Variants in FLT3 observed in about 807,000 individuals in gnomAD.
The protein encoded by FLT3 is receptor-type tyrosine-protein kinase FLT3.
Under a neutral mutation model 126.6 loss-of-function variants are expected in FLT3, and 46 were observed. That is an observed-to-expected ratio of 0.36 (90% CI 0.29 to 0.46). The LOEUF (loss-of-function observed/expected upper bound fraction) is 0.46, where lower values mean the gene tolerates loss of function less well. Ranked by LOEUF, FLT3 falls within the 20% of genes least tolerant of loss-of-function variation. The pLI, the probability that FLT3 is intolerant of heterozygous loss-of-function variation, is 1.00. For synonymous variants in FLT3, 404 were observed against 434.4 expected, an observed-to-expected ratio of 0.93 and a Z score of 0.87; for missense variants, 1,069 against 1,190.3, an observed-to-expected ratio of 0.90 and a Z score of 1.50.
At chr13:28,058,475 G>A (rs1349514856) in intron 3 of FLT3, among the ~76,000 whole-genome samples, 1 of 152,046 alleles carries the variant, frequency 6.6e-6, no homozygotes, top group Non-Finnish European at 1.5e-5. Context: ...TCATGCCATT[G>A]CACTCCAGCC....
At chr13:28,041,420 A>G (rs925558864) in intron 9 of FLT3, among the ~76,000 whole-genome samples, 1 of 152,220 alleles carries the variant, frequency 6.6e-6, no homozygotes, top group Admixed American at 6.5e-5. Flanking sequence ...CATGAGGCAG[A>G]CCAAAGCAAA....
Position 28,014,442 on chromosome 13 carries a change from T to A in FLT3, c.2859+10A>T. On this transcript the variant is annotated intron_variant, in intron 23 of 23. Coordinates refer to ENST00000241453, the MANE Select transcript of FLT3 (RefSeq NM_004119.3). Reference sequence around the variant, plus strand: ...TTGTAAAGCTTTATAAAGTCCTGGCTGCTACATACCGCTTCTTCTGCATCT... The same window carrying A: ...TTGTAAAGCTTTATAAAGTCCTGGCAGCTACATACCGCTTCTTCTGCATCT... The A allele has an allele frequency of 6.3e-7, 1 of 1,583,342 alleles. No individual in the cohort carries two copies. Among genetic ancestry groups the A allele is most frequent in the Non-Finnish European group, 8.7e-7 (1 of 1,152,040 alleles).
intron 23 of FLT3, among the ~76,000 whole-genome samples, chr13:28,009,023 T>C (rs1474601785): frequency 6.6e-6 from 1 of 152,106 alleles, no homozygotes; most frequent in Non-Finnish European, 1.5e-5. Context: ...TTTGCCCATA[T>C]TGGAGTGCAG....
chr13:28,073,356 A>C (rs765617190), intron 1 of FLT3: 41 of 239,504 alleles, frequency 1.7e-4, no homozygotes, highest in Non-Finnish European at 1.0e-4. Flanking sequence ...TCTCTGGAAA[A>C]AAAAAAAAAA....
At chr13:28,026,399 C>T (rs1872809073) in intron 17 of FLT3, among the ~76,000 whole-genome samples, 1 of 150,902 alleles carries the variant, frequency 6.6e-6, no homozygotes, top group Admixed American at 6.6e-5. Context: ...TCAACGAATG[C>T]CTCCATCAGA....
chr13:28,036,737 G>T (rs1873869172), intron 10 of FLT3, among the ~76,000 whole-genome samples: 1 of 152,170 alleles, frequency 6.6e-6, no homozygotes, highest in African/African-American at 2.4e-5. Flanking sequence ...TAGCACTTTG[G>T]GAGGCCAAGG....
At chr13:28,059,728 G>A (rs971578146) in intron 3 of FLT3, among the ~76,000 whole-genome samples, 2 of 152,042 alleles carry the variant, frequency 1.3e-5, no homozygotes, top group African/African-American at 2.4e-5. Flanking sequence ...TTGGGAGGCC[G>A]AGGTGGGCAG....
chr13:28,028,562 T>C (rs1284294529), intron 15 of FLT3, among the ~76,000 whole-genome samples: 2 of 152,018 alleles, frequency 1.3e-5, no homozygotes, highest in Non-Finnish European at 2.9e-5. Flanking sequence ...CCAGGCGTGG[T>C]GGCAGGCACC....
Position 28,091,372 on chromosome 13 carries a change from C to T in FLT3, c.43+9096G>A, listed in dbSNP as rs1429731481. Among the ~76,000 whole-genome samples the T allele has an allele frequency of 4.0e-5, 6 of 149,718 alleles. No homozygotes were observed. The East Asian group carries it at 7.9e-4, about 20-fold the overall frequency. ...GAGTAGCTGGGACTACAGGCGCCCG[C>T]CACCACGCCCGGCTAATTTTTTGTA... On this transcript the variant is annotated intron_variant, in intron 1 of 23. Transcript: ENST00000241453.
At chr13:28,083,445 T>A (rs1878459322) in intron 1 of FLT3, among the ~76,000 whole-genome samples, 1 of 152,230 alleles carries the variant, frequency 6.6e-6, no homozygotes, top group African/African-American at 2.4e-5. Context: ...AAGTTATTGA[T>A]CTATACCCTT....
At chr13:28,004,749 A>C (rs1446342585) in intron 23 of FLT3, among the ~76,000 whole-genome samples, 1 of 152,226 alleles carries the variant, frequency 6.6e-6, no homozygotes, top group Admixed American at 6.5e-5. Context: ...TCCTTTTATT[A>C]ATGGAGAAAT....
At chr13:28,089,737 A>AC (rs1322662526) in intron 1 of FLT3, among the ~76,000 whole-genome samples, 88 of 132,994 alleles carry the variant, frequency 6.6e-4, no homozygotes, top group African/African-American at 2.2e-3. Flanking sequence ...GCATGAGGGA[A>AC]CTTTTTTTTT....
chr13:28,026,553 C>G (rs1044795576), intron 17 of FLT3, among the ~76,000 whole-genome samples: 1 of 150,878 alleles, frequency 6.6e-6, no homozygotes, highest in Admixed American at 6.7e-5. Context: ...CCCTGCAGGA[C>G]CAAGCATCTC....
chr13:28,029,957 C>T (rs1873170209), intron 15 of FLT3, among the ~76,000 whole-genome samples: 1 of 152,210 alleles, frequency 6.6e-6, no homozygotes, highest in African/African-American at 2.4e-5. Flanking sequence ...TTGGTCAGGG[C>T]AGCCCGGGCA....
At position 28,076,114 on chromosome 13, in the gene FLT3, CA is replaced by C. The variant is rs946865140; in HGVS notation, c.44-5503del. On this transcript the variant is annotated intron_variant, in intron 1 of 23. Coordinates refer to ENST00000241453, the MANE Select transcript of FLT3 (RefSeq NM_004119.3). ...ACATGGCCCTTCATAGCAATTTTCTCATATACAATGCATTTTTAAAATATGA... is the reference window on the plus strand; with the variant it reads ...ACATGGCCCTTCATAGCAATTTTCTCTATACAATGCATTTTTAAAATATGA... Among the ~76,000 whole-genome samples, 5 of 152,220 alleles carry C rather than the reference CA, an allele frequency of 3.3e-5. No individual in the cohort carries two copies. In the Middle Eastern group the frequency reaches 0.01, roughly 311 times the overall value.
At chr13:28,099,063 G>A (rs1349376464) in intron 1 of FLT3, among the ~76,000 whole-genome samples, 1 of 152,172 alleles carries the variant, frequency 6.6e-6, no homozygotes, top group Non-Finnish European at 1.5e-5. Context: ...CTCTTAAGAT[G>A]TGTGCATATT....
chr13:28,073,380 C>A, intron 1 of FLT3: 1 of 418,094 alleles, frequency 2.4e-6, no homozygotes, highest in Non-Finnish European at 4.7e-6. Flanking sequence ...GCATTTTTTA[C>A]TGTCACTTGA....
At chr13:28,025,220 C>T in intron 17 of FLT3, 1 of 462,578 alleles carries the variant, frequency 2.2e-6, no homozygotes, top group South Asian at 2.4e-5. Flanking sequence ...AGATGGGTGG[C>T]ATTTTATAAA....
chr13:28,092,171 C>T (rs1879156809), intron 1 of FLT3, among the ~76,000 whole-genome samples: 1 of 152,172 alleles, frequency 6.6e-6, no homozygotes, highest in Non-Finnish European at 1.5e-5. Flanking sequence ...CCGCCAGGAA[C>T]CTTAAACTCA....
Sources: allele counts gnomAD v4.1 joint callset (sites outside exome capture counted in the v4.1 genomes callset), GRCh38; gene constraint gnomAD v4.1.1; transcripts MANE v1.5; gene names NCBI Gene and HGNC (gene_info 2026-07-23, HGNC 2026-07-21).